Variants in MYO16 observed in about 807,000 individuals in gnomAD.
MYO16 encodes the protein myosin XVI.
A neutral mutation model predicts 205.3 loss-of-function variants in MYO16; 94 were observed. The ratio of observed to expected loss-of-function variants is 0.46; its 90% CI spans 0.39 to 0.54. The LOEUF (loss-of-function observed/expected upper bound fraction) is 0.54. Among genes scored for constraint, MYO16 ranks in the 20% least tolerant of loss-of-function variants. MYO16 has a pLI of 0.00. For missense variants in MYO16, 2,315 were observed against 2,387.5 expected (o/e 0.97, Z 0.63); for synonymous variants, 988 against 954.0 (o/e 1.04, Z -0.66).
At chr13:108,558,760 A>G in the MYO16 span, among the ~76,000 whole-genome samples, 1 of 152,212 alleles carries the variant, frequency 6.6e-6, no homozygotes, top group Admixed American at 6.5e-5. Context: ...TGACCTTGGG[A>G]TTCAAGGATC....
intron 22 of MYO16, among the ~76,000 whole-genome samples, chr13:109,017,959 A>C (rs562856971): frequency 6.6e-6 from 1 of 152,116 alleles, no homozygotes; most frequent in African/African-American, 2.4e-5. Flanking sequence ...TCTGAAGCCT[A>C]CTTCTTTCAG....
intron 21 of MYO16, among the ~76,000 whole-genome samples, chr13:108,999,939 G>A (rs554764609): frequency 4.6e-5 from 7 of 152,156 alleles, no homozygotes; most frequent in South Asian, 2.1e-4. Flanking sequence ...TAAACTCTTC[G>A]TAAATTTTAT....
chr13:109,029,973 T>C (rs1350538513), intron 23 of MYO16, among the ~76,000 whole-genome samples: 2 of 152,212 alleles, frequency 1.3e-5, no homozygotes, highest in South Asian at 2.1e-4. Context: ...TGATAGTTTA[T>C]GGCTAGTTGG....
chr13:108,510,446 TTAACATTGATAGCTG>T, the MYO16 span, among the ~76,000 whole-genome samples: 6 of 123,784 alleles, frequency 4.8e-5, no homozygotes, highest in Non-Finnish European at 1.0e-4. Context: ...TTTTTTATAT[TTAACATTGATAGCTG>T]TTTTTTTTTT....
the MYO16 span, among the ~76,000 whole-genome samples, chr13:108,538,136 T>C: frequency 6.6e-6 from 1 of 152,130 alleles, no homozygotes; most frequent in Non-Finnish European, 1.5e-5. Context: ...ATGAGCACTT[T>C]CTTTTTCTAT....
At chr13:108,879,088 CATT>C (rs1879471244) in intron 12 of MYO16, among the ~76,000 whole-genome samples, 1 of 152,210 alleles carries the variant, frequency 6.6e-6, no homozygotes, top group African/African-American at 2.4e-5. Context: ...AGCTCCAGAA[CATT>C]ATCAACACTC....
chr13:109,174,684 G>A (rs1313086492), intron 33 of MYO16, among the ~76,000 whole-genome samples: 8 of 151,742 alleles, frequency 5.3e-5, no homozygotes, highest in Admixed American at 1.3e-4. Flanking sequence ...GATTCTAACC[G>A]GTCAGCCATG....
In MYO16 at chr13:109,112,684, G is replaced by A. The variant is rs192493371; in HGVS notation, c.3439-7686G>A. On this transcript the variant is annotated intron_variant, in intron 28 of 34. Transcript: ENST00000457511. ...GCAGGAGAATTGCTTGAACCTGGGA[G>A]AAGGAGGTTGTGGTGAGCCGAGATC... is the stretch of plus-strand genomic sequence containing the variant. 1.2e-3 allele frequency among the ~76,000 whole-genome samples: 186 copies of A among 152,272 alleles called. 1 individual carries two copies. Among genetic ancestry groups the A allele is most frequent in the Middle Eastern group, 6.8e-3 (2 of 294 alleles).
intron 4 of MYO16, among the ~76,000 whole-genome samples, chr13:108,739,000 C>G (rs920318992): frequency 6.6e-5 from 10 of 152,166 alleles, no homozygotes; most frequent in African/African-American, 2.4e-4. Context: ...GTAGATCTTC[C>G]TCCATCCCTT....
intron 16 of MYO16, among the ~76,000 whole-genome samples, chr13:108,918,894 A>T (rs1594395305): frequency 1.3e-5 from 2 of 151,746 alleles, no homozygotes; most frequent in Middle Eastern, 3.4e-3. Context: ...GTGAGCCAAG[A>T]TCACACCACT....
intron 1 of MYO16, among the ~76,000 whole-genome samples, chr13:108,614,437 C>CTA (rs1879279830): frequency 6.6e-6 from 1 of 151,996 alleles, no homozygotes; most frequent in Admixed American, 6.6e-5. Flanking sequence ...CCTATTAAAA[C>CTA]TATAGCTGGA....
intron 12 of MYO16, among the ~76,000 whole-genome samples, chr13:108,874,825 C>T (rs1226038054): frequency 1.3e-5 from 2 of 151,930 alleles, no homozygotes; most frequent in East Asian, 3.9e-4. Context: ...GACACCTACC[C>T]AGGCCTACAG....
intron 16 of MYO16, among the ~76,000 whole-genome samples, chr13:108,928,928 C>T (rs74119477): frequency 6.6e-6 from 1 of 152,246 alleles, no homozygotes; most frequent in African/African-American, 2.4e-5. Context: ...AGAAATTGTA[C>T]AGGGCATATT....
rs1345407875 is a variant in MYO16, at chr13:109,127,701, A to G, written c.4051+151A>G. The G allele has an allele frequency of 2.8e-6, 2 of 725,836 alleles. No individual in the cohort carries two copies. Among genetic ancestry groups the G allele is most frequent in the African/African-American group, 1.8e-5 (1 of 56,626 alleles). The allele number at this position is 725,836 out of a possible 1,614,324, so 45.0% of individuals were successfully genotyped here. ...CTTGCCAGCAGCTCTTAATCATTAA[A>G]TATAAATAATATTTATTCAAATCTC... is the stretch of plus-strand genomic sequence containing the variant. On this transcript the variant is annotated intron_variant, in intron 31 of 34. Coordinates refer to ENST00000457511, the MANE Select transcript of MYO16 (RefSeq NM_001198950.3). The surrounding 1 kb of genome is among the most constrained non-coding windows in gnomAD (Gnocchi z 4.2).
chr13:109,129,993 A>T (rs1384966001), intron 31 of MYO16, among the ~76,000 whole-genome samples: 1 of 152,020 alleles, frequency 6.6e-6, no homozygotes, highest in Non-Finnish European at 1.5e-5. Flanking sequence ...AAAAAAAAAA[A>T]AAAGTCAATT....
chr13:109,197,092 T>A (rs1880191984), intron 34 of MYO16, among the ~76,000 whole-genome samples: 6 of 152,188 alleles, frequency 3.9e-5, no homozygotes, highest in Admixed American at 3.9e-4. Flanking sequence ...ACCAGGAGTC[T>A]GTGGTGACTG....
chr13:109,022,307 T>TATA (rs1886067582), intron 23 of MYO16, among the ~76,000 whole-genome samples: 2 of 21,472 alleles, frequency 9.3e-5, no homozygotes, highest in African/African-American at 5.5e-4. Context: ...CAAATATATA[T>TATA]TTATATATTA....
the MYO16 span, among the ~76,000 whole-genome samples, chr13:108,565,698 T>C: frequency 1.3e-5 from 2 of 152,314 alleles, no homozygotes; most frequent in East Asian, 3.9e-4. Flanking sequence ...TTGCTCTAGC[T>C]AGACCTTCCA....
At chr13:108,719,584 C>T (rs1352962100) in intron 3 of MYO16, among the ~76,000 whole-genome samples, 1 of 152,086 alleles carries the variant, frequency 6.6e-6, no homozygotes, top group African/African-American at 2.4e-5. Flanking sequence ...TGGCTTAGCA[C>T]AGCACTGGGG....
Sources: gnomAD v4.1 joint callset for allele counts (sites outside exome capture counted in the v4.1 genomes callset) on GRCh38, gnomAD v4.1.1 for gene constraint, Gnocchi (gnomAD v3.1) non-coding constraint, MANE v1.5 for transcripts, NCBI Gene and HGNC (gene_info 2026-07-23, HGNC 2026-07-21) for gene names.